The following ARHGAP24 variants were observed in gnomAD, a reference collection of about 807,000 sequenced individuals.
The protein encoded by ARHGAP24 is Rho GTPase activating protein 24, also known as rho GTPase-activating protein 24.
ARHGAP24 carries 50 observed loss-of-function variants against 76.4 expected under a neutral mutation model. That is an observed-to-expected ratio of 0.65 (90% CI 0.52 to 0.83). ARHGAP24 has a LOEUF of 0.83. Among genes scored for constraint, ARHGAP24 ranks in the 40% least tolerant of loss-of-function variants. The pLI, the probability that ARHGAP24 is intolerant of heterozygous loss-of-function variation, is 0.00. For synonymous variants in ARHGAP24, 345 were observed against 323.3 expected (o/e 1.07, Z -0.72); for missense variants, 930 against 914.2 (o/e 1.02, Z -0.22).
chr4:85,522,809 G>A (rs887174750), intron 1 of ARHGAP24, among the ~76,000 whole-genome samples: 2 of 152,078 alleles, frequency 1.3e-5, no homozygotes, highest in African/African-American at 2.4e-5. Flanking sequence ...CAGTTTATCC[G>A]CATGATGTAA....
At chr4:85,651,478 T>G (rs1721941594) in intron 2 of ARHGAP24, among the ~76,000 whole-genome samples, 1 of 149,116 alleles carries the variant, frequency 6.7e-6, no homozygotes, top group African/African-American at 2.6e-5. Context: ...TTTTCCCAAG[T>G]TTTTCCTTTG....
At chr4:85,940,951 G>T (rs970780682) in intron 4 of ARHGAP24, among the ~76,000 whole-genome samples, 3 of 152,130 alleles carry the variant, frequency 2.0e-5, no homozygotes, top group South Asian at 2.1e-4. Flanking sequence ...TACAGGTGGG[G>T]AGGCAAAGCA....
At chr4:85,489,334 A>G (rs932984971) in intron 1 of ARHGAP24, among the ~76,000 whole-genome samples, 1 of 152,240 alleles carries the variant, frequency 6.6e-6, no homozygotes, top group Non-Finnish European at 1.5e-5. Context: ...TGCAAATCTG[A>G]GAAACAGGGA....
chr4:85,708,600 G>T (rs947132312), intron 2 of ARHGAP24, among the ~76,000 whole-genome samples: 4 of 152,150 alleles, frequency 2.6e-5, no homozygotes, highest in East Asian at 1.9e-4. Flanking sequence ...TAACCCTGAT[G>T]AATGCATATC....
At chr4:85,654,046 A>G (rs1375878342) in intron 2 of ARHGAP24, among the ~76,000 whole-genome samples, 2 of 152,310 alleles carry the variant, frequency 1.3e-5, no homozygotes, top group East Asian at 3.9e-4. Flanking sequence ...ACAAAAATAC[A>G]CTAGTCATTT....
chr4:85,644,728 A>G (rs541641872), intron 2 of ARHGAP24, among the ~76,000 whole-genome samples: 42 of 152,276 alleles, frequency 2.8e-4, no homozygotes, highest in African/African-American at 8.7e-4. Flanking sequence ...TTTAAATAAT[A>G]TATACAAATA....
chr4:85,737,449 C>T (rs1313949214), intron 3 of ARHGAP24, among the ~76,000 whole-genome samples: 1 of 152,166 alleles, frequency 6.6e-6, no homozygotes, highest in Non-Finnish European at 1.5e-5. Context: ...TCATAGGAAA[C>T]TCTAGGCAGC....
At chr4:85,702,993 G>A (rs1470137294) in intron 2 of ARHGAP24, among the ~76,000 whole-genome samples, 2 of 151,858 alleles carry the variant, frequency 1.3e-5, no homozygotes, top group African/African-American at 2.4e-5. Flanking sequence ...CCACCGAGAA[G>A]CATGTGAAAG....
intron 2 of ARHGAP24, among the ~76,000 whole-genome samples, chr4:85,703,987 G>A (rs1724203720): frequency 6.6e-6 from 1 of 152,070 alleles, no homozygotes. Flanking sequence ...TGTCCCTGAA[G>A]TTTTATCTTT....
At chr4:85,701,302 T>C (rs1724077057) in intron 2 of ARHGAP24, among the ~76,000 whole-genome samples, 1 of 152,166 alleles carries the variant, frequency 6.6e-6, no homozygotes, top group Admixed American at 6.5e-5. Flanking sequence ...ATTTCAATAA[T>C]TTTTGCGTAC....
intron 3 of ARHGAP24, among the ~76,000 whole-genome samples, chr4:85,736,418 T>G (rs1464053473): frequency 1.3e-5 from 2 of 152,084 alleles, no homozygotes; most frequent in Non-Finnish European, 2.9e-5. Flanking sequence ...AGGAAGGTAG[T>G]GTAATGTAGA....
At chr4:85,502,144 A>G (rs1723844751) in intron 1 of ARHGAP24, among the ~76,000 whole-genome samples, 1 of 152,180 alleles carries the variant, frequency 6.6e-6, no homozygotes, top group Admixed American at 6.5e-5. Flanking sequence ...TATAGTTTGA[A>G]GTCAGACAGT....
At chr4:85,536,653 G>A (rs1291131902) in intron 1 of ARHGAP24, among the ~76,000 whole-genome samples, 5 of 152,008 alleles carry the variant, frequency 3.3e-5, no homozygotes, top group Admixed American at 1.3e-4. Flanking sequence ...AAATTACAGG[G>A]ATTTTGCTAA....
intron 5 of ARHGAP24, among the ~76,000 whole-genome samples, chr4:85,947,281 TTGTC>T (rs1737336204): frequency 2.0e-5 from 3 of 152,326 alleles, no homozygotes; most frequent in South Asian, 2.1e-4. Flanking sequence ...TTTCTGTAGG[TTGTC>T]TGTTTACTCC....
At chr4:85,624,996 A>G (rs1479195977) in intron 2 of ARHGAP24, among the ~76,000 whole-genome samples, 1 of 151,796 alleles carries the variant, frequency 6.6e-6, no homozygotes, top group Non-Finnish European at 1.5e-5. Flanking sequence ...GCAGTCTATC[A>G]ATTTTGTTGA....
chr4:85,667,355 C>T (rs879919084), intron 2 of ARHGAP24, among the ~76,000 whole-genome samples: 6 of 152,166 alleles, frequency 3.9e-5, no homozygotes, highest in Admixed American at 2.6e-4. Flanking sequence ...GTCGGAAAAG[C>T]GCAGTATTAG....
chr4:85,854,753 C>G (rs1182696111), intron 3 of ARHGAP24, among the ~76,000 whole-genome samples: 1 of 152,168 alleles, frequency 6.6e-6, no homozygotes, highest in African/African-American at 2.4e-5. Flanking sequence ...CCCTTAATCC[C>G]TGGAATACTG....
rs541085165 is a variant in ARHGAP24 at position 85,517,860 on chromosome 4, C to T, written c.-21+42301C>T. On this transcript the variant is annotated intron_variant, in intron 1 of 9. Transcript: ENST00000395184. ...GTCAATATATAATTTTATGTGAATA[C>T]GTAATATTTCTTTAAAACGTAAGAA... Among the ~76,000 whole-genome samples the T allele has an allele frequency of 1.5e-3, 229 of 152,042 alleles. 2 individuals carry two copies. The highest frequency in any genetic ancestry group is 5.3e-3 in the African/African-American group (219 of 41,478).
At chr4:85,851,792 C>T (rs970425841) in intron 3 of ARHGAP24, among the ~76,000 whole-genome samples, 10 of 152,344 alleles carry the variant, frequency 6.6e-5, no homozygotes, top group South Asian at 2.1e-4. Context: ...TCTCATCTGG[C>T]TTGTAGGGTT....
Sources: allele counts gnomAD v4.1 joint callset (sites outside exome capture counted in the v4.1 genomes callset), GRCh38; gene constraint gnomAD v4.1.1; transcripts MANE v1.5; gene names NCBI Gene and HGNC (gene_info 2026-07-23, HGNC 2026-07-21).